Variants in ROBO2 observed in about 807,000 individuals in gnomAD.
ROBO2 encodes roundabout guidance receptor 2.
Under a neutral mutation model 160.8 loss-of-function variants are expected in ROBO2, and 53 were observed. That is an observed-to-expected ratio of 0.33 (90% CI 0.26 to 0.41). The LOEUF (loss-of-function observed/expected upper bound fraction) is 0.41, where lower values mean the gene tolerates loss of function less well. ROBO2 is among the 10% of genes least tolerant of loss of function. ROBO2 has a pLI of 1.00. For synonymous variants in ROBO2, 664 were observed against 611.7 expected, an observed-to-expected ratio of 1.09 and a Z score of -1.26; for missense variants, 1,577 against 1,722.4, an observed-to-expected ratio of 0.92 and a Z score of 1.49.
At chr3:76,302,488 C>T (rs1211683871) in intron 2 of ROBO2, among the ~76,000 whole-genome samples, 1 of 152,014 alleles carries the variant, frequency 6.6e-6, no homozygotes, top group East Asian at 1.9e-4. Flanking sequence ...CAGGGGAGAA[C>T]CGCTAGCTGA....
At chr3:77,434,901 G>C (rs549549157) in intron 2 of ROBO2, among the ~76,000 whole-genome samples, 1 of 152,130 alleles carries the variant, frequency 6.6e-6, no homozygotes, top group South Asian at 2.1e-4. Context: ...TGAAGAAACA[G>C]CCAGATAATG....
chr3:76,471,546 A>C (rs569324809), intron 2 of ROBO2, among the ~76,000 whole-genome samples: 14 of 152,296 alleles, frequency 9.2e-5, no homozygotes, highest in Admixed American at 7.8e-4. Flanking sequence ...CAGTTTTGTG[A>C]AACTGCATGT....
intron 2 of ROBO2, among the ~76,000 whole-genome samples, chr3:77,433,284 T>G (rs2078961082): frequency 6.6e-6 from 1 of 151,738 alleles, no homozygotes; most frequent in South Asian, 2.1e-4. Flanking sequence ...CCTCCTGCAT[T>G]TCAGATAATT....
intron 2 of ROBO2, among the ~76,000 whole-genome samples, chr3:76,027,571 G>C (rs2066785749): frequency 6.6e-6 from 1 of 151,758 alleles, no homozygotes; most frequent in South Asian, 2.1e-4. Context: ...AAATAATCAA[G>C]TACATGAAAA....
At chr3:77,499,640 T>C (rs1038244197) in intron 5 of ROBO2, among the ~76,000 whole-genome samples, 3 of 150,674 alleles carry the variant, frequency 2.0e-5, no homozygotes, top group African/African-American at 7.3e-5. Flanking sequence ...TTTAAATAAG[T>C]ATCACTTACG....
intron 2 of ROBO2, among the ~76,000 whole-genome samples, chr3:76,994,783 T>C (rs2060893424): frequency 6.6e-6 from 1 of 152,178 alleles, no homozygotes; most frequent in Non-Finnish European, 1.5e-5. Flanking sequence ...TACCCTTCCA[T>C]AAACCACAGA....
At chr3:76,740,845 A>AT (rs1338406298) in intron 2 of ROBO2, among the ~76,000 whole-genome samples, 1 of 152,054 alleles carries the variant, frequency 6.6e-6, no homozygotes, top group African/African-American at 2.4e-5. Context: ...ATAATTTTGA[A>AT]TTTTTTAAAA....
At chr3:76,916,848 C>G (rs1348516825) in intron 2 of ROBO2, among the ~76,000 whole-genome samples, 1 of 152,094 alleles carries the variant, frequency 6.6e-6, no homozygotes, top group Non-Finnish European at 1.5e-5. Context: ...TCATTGTTAT[C>G]ATGGGATACT....
chr3:77,398,968 T>TA lies in ROBO2; in HGVS notation c.389-78442dup, dbSNP rs1200644841. Among the ~76,000 whole-genome samples, 8 of 152,154 alleles carry TA rather than the reference T, an allele frequency of 5.3e-5. No homozygotes were observed. In the East Asian group the frequency reaches 1.3e-3, roughly 26 times the overall value. On this transcript the variant is annotated intron_variant, in intron 2 of 25. Transcript: ENST00000461745. ...AATAGAAGTTATTTTTTTTTCCTTC[T>TA]AAAAGTGATACAGTCAAGGTCCTGT...
intron 19 of ROBO2, 117 bp downstream of exon 20, chr3:77,596,867 A>G: frequency 1.6e-6 from 2 of 1,229,686 alleles, no homozygotes; most frequent in Non-Finnish European, 2.3e-6. Context: ...CATAATTAAA[A>G]TCAATGAAAC....
At chr3:76,626,941 C>T (rs781162507) in intron 2 of ROBO2, among the ~76,000 whole-genome samples, 2 of 152,144 alleles carry the variant, frequency 1.3e-5, no homozygotes, top group Non-Finnish European at 2.9e-5. Flanking sequence ...CCGCCCGCCT[C>T]GGCCTCCCAA....
At chr3:76,359,234 C>T (rs940267188) in intron 2 of ROBO2, among the ~76,000 whole-genome samples, 4 of 151,810 alleles carry the variant, frequency 2.6e-5, no homozygotes, top group Non-Finnish European at 2.9e-5. Context: ...AATAAACATA[C>T]GTGTGCATGT....
chr3:76,642,288 G>A (rs977462438), intron 2 of ROBO2, among the ~76,000 whole-genome samples: 26 of 148,366 alleles, frequency 1.8e-4, no homozygotes, highest in Admixed American at 1.1e-3. Context: ...GACCTTGACC[G>A]CTGTGATTTG....
chr3:77,212,651 C>T (rs942219307), intron 2 of ROBO2, among the ~76,000 whole-genome samples: 1 of 152,102 alleles, frequency 6.6e-6, no homozygotes, highest in Non-Finnish European at 1.5e-5. Context: ...CTGTCTTGTG[C>T]CAGTTTTCAA....
intron 2 of ROBO2, among the ~76,000 whole-genome samples, chr3:76,737,027 C>A (rs2093724316): frequency 6.6e-6 from 1 of 152,112 alleles, no homozygotes; most frequent in African/African-American, 2.4e-5. Context: ...GCAGGCTCTG[C>A]AAAGTTATTG....
chr3:76,026,114 T>C (rs1466448262), intron 2 of ROBO2, among the ~76,000 whole-genome samples: 1 of 151,932 alleles, frequency 6.6e-6, no homozygotes, highest in Non-Finnish European at 1.5e-5. Context: ...CCTACAGTAG[T>C]CAGTGACCGA....
chr3:77,508,301 A>C (rs951964988), intron 5 of ROBO2, among the ~76,000 whole-genome samples: 1 of 148,284 alleles, frequency 6.7e-6, no homozygotes, highest in Admixed American at 6.8e-5. Context: ...TATTTTTAAA[A>C]TATATAGTAA....
At chr3:76,183,441 A>G (rs2107118788) in intron 2 of ROBO2, among the ~76,000 whole-genome samples, 1 of 152,230 alleles carries the variant, frequency 6.6e-6, no homozygotes, top group East Asian at 1.9e-4. Flanking sequence ...GCACTGCCCA[A>G]CTGTCTGTTA....
chr3:76,396,407 T>G (rs1007315569), intron 2 of ROBO2, among the ~76,000 whole-genome samples: 10 of 152,112 alleles, frequency 6.6e-5, no homozygotes, highest in African/African-American at 2.2e-4. Context: ...CTTTGAAAAC[T>G]GGCACAAGAC....
Sources: allele counts gnomAD v4.1 joint callset (sites outside exome capture counted in the v4.1 genomes callset), GRCh38; gene constraint gnomAD v4.1.1; transcripts MANE v1.5; gene names NCBI Gene and HGNC (gene_info 2026-07-23, HGNC 2026-07-21).